SPATA13: variants seen among roughly 807,000 people sequenced by gnomAD.
SPATA13 encodes spermatogenesis associated 13, also known as spermatogenesis-associated protein 13.
Under a neutral mutation model 104.0 loss-of-function variants are expected in SPATA13, and 50 were observed. The observed-to-expected ratio is 0.48, with a 90% CI of 0.38 to 0.61. SPATA13 has a LOEUF of 0.61. SPATA13 is among the 20% of genes least tolerant of loss of function. SPATA13 has a pLI of 0.00. For synonymous variants in SPATA13, 606 were observed against 667.5 expected (o/e 0.91, Z 1.42); for missense variants, 1,524 against 1,690.6 (o/e 0.90, Z 1.73).
intron 3 of SPATA13, among the ~76,000 whole-genome samples, chr13:24,040,284 C>T (rs1257650975): frequency 1.3e-5 from 2 of 152,154 alleles, no homozygotes; most frequent in East Asian, 3.8e-4. Flanking sequence ...GACAAAGGCC[C>T]CGTGTGTCTC....
chr13:24,182,746 A>C (rs1037531899), intron 1 of SPATA13, among the ~76,000 whole-genome samples: 1 of 152,086 alleles, frequency 6.6e-6, no homozygotes, highest in African/African-American at 2.4e-5. Context: ...CATTTCCTTT[A>C]ATTTTTTAAA....
At chr13:24,297,103 A>G (rs1379854814) in intron 10 of SPATA13, among the ~76,000 whole-genome samples, 2 of 152,080 alleles carry the variant, frequency 1.3e-5, no homozygotes, top group East Asian at 3.9e-4. Flanking sequence ...TACTGGCGTG[A>G]TCACCATTCA....
At position 24,270,790 on chromosome 13, in the gene SPATA13, G is replaced by A; in HGVS notation, c.2165-13345G>A. On this transcript the variant is annotated intron_variant, in intron 4 of 12. Transcript: ENST00000382108. ...GCCAGCCTGTGCAGTCCTCTGTGAT[G>A]CTTGGGGACCGGCTCCTCGGTCACA... is the stretch of plus-strand genomic sequence containing the variant. The A allele has an allele frequency of 2.5e-6, 4 of 1,611,156 alleles. No individual in the cohort carries two copies. In the East Asian group the frequency reaches 6.7e-5, roughly 27 times the overall value.
rs149287682 is a variant in SPATA13 at position 24,014,353 on chromosome 13, G to A, written c.-146-3314G>A. On this transcript the variant is annotated intron_variant, in intron 2 of 14. Transcript: ENST00000424834. ...CACCAACACACCCCCCTTCCCCCAT[G>A]CAGAAATGGCCCCACTGTTTCTGGG... Among the ~76,000 whole-genome samples the A allele has an allele frequency of 1.3e-4, 20 of 152,142 alleles. No homozygotes were observed. In the East Asian group the frequency reaches 3.9e-3, roughly 29 times the overall value.
intron 3 of SPATA13, among the ~76,000 whole-genome samples, chr13:24,057,895 G>C (rs1009207532): frequency 6.6e-6 from 1 of 151,640 alleles, no homozygotes; most frequent in African/African-American, 2.4e-5. Flanking sequence ...TCAGCAGCTG[G>C]TGTGGAAACT....
chr13:24,108,202 C>T (rs1880517648), intron 3 of SPATA13, among the ~76,000 whole-genome samples: 1 of 152,254 alleles, frequency 6.6e-6, no homozygotes, highest in African/African-American at 2.4e-5. Context: ...GAGCTCCACC[C>T]TCGTGATTTA....
At chr13:24,279,939 A>G (rs41502045) in intron 4 of SPATA13, among the ~76,000 whole-genome samples, 19,269 of 152,216 alleles carry the variant, frequency 0.13, 1,866 homozygotes, top group African/African-American at 0.27. Context: ...GTCGCTAACT[A>G]CTAATCCATG....
chr13:24,063,178 G>A (rs1878836239), intron 3 of SPATA13, among the ~76,000 whole-genome samples: 1 of 152,242 alleles, frequency 6.6e-6, no homozygotes, highest in East Asian at 1.9e-4. Context: ...ACGTGAGGGT[G>A]AGCTCCACAG....
intron 3 of SPATA13, among the ~76,000 whole-genome samples, chr13:24,105,222 G>A (rs1429935017): frequency 1.3e-5 from 2 of 152,052 alleles, no homozygotes; most frequent in African/African-American, 4.8e-5. Context: ...TCTCAGGCTC[G>A]ATGGATTTTC....
At chr13:24,283,079 G>A (rs1875668949) in intron 4 of SPATA13, among the ~76,000 whole-genome samples, 1 of 152,158 alleles carries the variant, frequency 6.6e-6, no homozygotes, top group African/African-American at 2.4e-5. Context: ...AGTCTGTGGA[G>A]CATGTGCTTC....
intron 1 of SPATA13, among the ~76,000 whole-genome samples, chr13:24,170,623 G>C (rs1882930488): frequency 6.9e-6 from 1 of 145,268 alleles, no homozygotes; most frequent in South Asian, 2.2e-4. Flanking sequence ...AGAACACTCT[G>C]TGTGAATTGG....
chr13:24,295,220 A>G (rs766961599), intron 10 of SPATA13, among the ~76,000 whole-genome samples: 2 of 152,164 alleles, frequency 1.3e-5, no homozygotes, highest in African/African-American at 2.4e-5. Flanking sequence ...CCCTGCCCAC[A>G]TGTGAATCCT....
At chr13:24,095,926 G>C (rs1232255752) in intron 3 of SPATA13, among the ~76,000 whole-genome samples, 4 of 152,156 alleles carry the variant, frequency 2.6e-5, no homozygotes, top group African/African-American at 9.7e-5. Context: ...TCCTTCAGAC[G>C]AGAACCTAGA....
intron 1 of SPATA13, among the ~76,000 whole-genome samples, chr13:24,216,027 C>T (rs549852394): frequency 7.9e-5 from 12 of 152,274 alleles, no homozygotes; most frequent in South Asian, 4.1e-4. Context: ...GAAGTCAAGA[C>T]GCAGGGCAGT....
Position 24,004,686 on chromosome 13 carries a change from A to T in SPATA13, c.-146-12981A>T, listed in dbSNP as rs78469742. 8.5e-3 allele frequency among the ~76,000 whole-genome samples: 1,298 copies of T among 152,304 alleles called. 22 individuals carry two copies. Among genetic ancestry groups the T allele is most frequent in the East Asian group, 0.069 (356 of 5,188 alleles). On this transcript the variant is annotated intron_variant, in intron 2 of 14. Transcript: ENST00000424834. ...TAAATCAATTCCGAGACTGCTCCAT[A>T]CACACAGGGCTGAAAATTTACATTC...
intron 3 of SPATA13, among the ~76,000 whole-genome samples, chr13:24,153,273 G>A (rs557662027): frequency 1.4e-3 from 206 of 152,262 alleles, no homozygotes; most frequent in Middle Eastern, 6.8e-3. Flanking sequence ...CCTCTGATGT[G>A]GGTGCCCCAT....
chr13:24,260,846 C>A (rs192756829), intron 4 of SPATA13, among the ~76,000 whole-genome samples: 1 of 152,190 alleles, frequency 6.6e-6, no homozygotes, highest in Non-Finnish European at 1.5e-5. Context: ...GTCAGTTGAT[C>A]GTACACAGGG....
At chr13:24,182,010 A>G (rs1013454515) in intron 1 of SPATA13, among the ~76,000 whole-genome samples, 6 of 152,204 alleles carry the variant, frequency 3.9e-5, no homozygotes, top group African/African-American at 1.4e-4. Context: ...AGCACCTCAT[A>G]TAGTGTCTGA....
intron 2 of SPATA13, among the ~76,000 whole-genome samples, chr13:23,984,231 G>A (rs1875043688): frequency 6.6e-6 from 1 of 152,232 alleles, no homozygotes; most frequent in Non-Finnish European, 1.5e-5. Context: ...AATCAATACT[G>A]TGTTTCAAGT....
Sources: gnomAD v4.1 joint callset for allele counts (sites outside exome capture counted in the v4.1 genomes callset) on GRCh38, gnomAD v4.1.1 for gene constraint, MANE v1.5 for transcripts, NCBI Gene and HGNC (gene_info 2026-07-23, HGNC 2026-07-21) for gene names.